The following COL6A1 variants were observed in gnomAD, a reference collection of about 807,000 sequenced individuals.
COL6A1 encodes the protein collagen alpha-1(VI) chain.
A neutral mutation model predicts 145.6 loss-of-function variants in COL6A1; 80 were observed. That is an observed-to-expected ratio of 0.55 (90% CI 0.46 to 0.66). The LOEUF is 0.66. COL6A1 is among the 30% of genes least tolerant of loss of function. The probability of loss-of-function intolerance (pLI) is 0.00; values close to 1 mark genes in which losing one functional copy is unlikely to be tolerated. For missense variants in COL6A1, 1,364 were observed against 1,473.8 expected, an observed-to-expected ratio of 0.93 and a Z score of 1.22; for synonymous variants, 638 against 622.8, an observed-to-expected ratio of 1.02 and a Z score of -0.36.
At chr21:45,987,478 C>G in intron 6 of COL6A1, 21 bp from the exon 7 acceptor site, 5 of 1,613,102 alleles carry the variant, frequency 3.1e-6, no homozygotes, top group Non-Finnish European at 4.2e-6. Context: ...ACTGACTCGT[C>G]TCCATGCTTT....
intron 27 of COL6A1, among the ~76,000 whole-genome samples, chr21:45,999,931 A>G (rs2077830641): frequency 7.2e-6 from 1 of 139,754 alleles, no homozygotes; most frequent in Non-Finnish European, 1.5e-5. Flanking sequence ...ACATGTGAGG[A>G]TCATGGGGGG....
At chr21:45,999,793 G>C in intron 27 of COL6A1, 101 bp downstream of exon 27, 1 of 828,690 alleles carries the variant, frequency 1.2e-6, no homozygotes, top group Non-Finnish European at 1.7e-6. Context: ...CGCTGCTCAC[G>C]GGGGGGTGGG....
chr21:45,985,798 T>A (rs2077736083), intron 3 of COL6A1, among the ~76,000 whole-genome samples: 1 of 152,176 alleles, frequency 6.6e-6, no homozygotes, highest in Non-Finnish European at 1.5e-5. Context: ...ACATTCCCTT[T>A]CCAATGGTTG....
rs1260709010 is a variant in COL6A1, at chr21:46,001,977, C to T, written c.1973C>T (p.Ser658Leu). Residue 658 changes from serine (S) to leucine (L), a missense_variant, in exon 31 of 35, where the codon TCG becomes TTG. By Grantham distance (145) the Ser-to-Leu change is moderately radical. Transcript: ENST00000361866. ...GTCCCACAGTTCGAGCCAGGGCAGT[C>T]GTACGCGGGTGTGGTGCAGTACAGC... Reference protein sequence around the residue: ...DELVKFEPGQSYAGVVQYSHS... With the variant: ...DELVKFEPGQLYAGVVQYSHS... 2 of 1,612,470 alleles carry T rather than the reference C, an allele frequency of 1.2e-6. No individual in the cohort carries two copies. Among genetic ancestry groups the T allele is most frequent in the East Asian group, 4.5e-5 (2 of 44,860 alleles).
At chr21:46,001,103 A>C in intron 29 of COL6A1, 150 bp from the exon 30 acceptor site, 1 of 1,083,278 alleles carries the variant, frequency 9.2e-7, no homozygotes, top group Non-Finnish European at 1.3e-6. Context: ...GGGCCATGGG[A>C]GGGGGTGGGC....
rs1205249425 is a variant in COL6A1, at chr21:45,998,225, C to T, written c.1575+54C>T. 3 of 1,598,814 alleles carry T rather than the reference C, an allele frequency of 1.9e-6. No individual in the cohort carries two copies. The African/African-American group carries it at 4.0e-5, about 21-fold the overall frequency. ...AACATGCCCAAGCTGCCTGCGGCGCCCTCTTTAGTGGACTGGGCACTCTTG... is the reference window on the plus strand; with the variant it reads ...AACATGCCCAAGCTGCCTGCGGCGCTCTCTTTAGTGGACTGGGCACTCTTG... On this transcript the variant is annotated intron_variant, in intron 23 of 34. Coordinates refer to ENST00000361866, the MANE Select transcript of COL6A1 (RefSeq NM_001848.3).
chr21:46,000,481 C>A, intron 28 of COL6A1, 114 bp downstream of exon 28: 1 of 1,321,512 alleles, frequency 7.6e-7, no homozygotes, highest in South Asian at 1.2e-5. Flanking sequence ...TGGGTACATC[C>A]TTGAGGAGGC....
In COL6A1 at chr21:46,001,404, C is replaced by G. The variant is rs1603593974; in HGVS notation, c.1956+18C>G. On this transcript the variant is annotated intron_variant, in intron 30 of 34. Transcript: ENST00000361866. ...TGGTCAAGGTGAGGCCTCGCCCCGC[C>G]CGGCTTTCTCAAGCCCAGGTGCACC... 4 of 1,606,870 alleles carry G rather than the reference C, an allele frequency of 2.5e-6. No homozygotes were observed. Among genetic ancestry groups the G allele is most frequent in the Non-Finnish European group, 8.5e-7 (1 of 1,179,296 alleles).
In COL6A1 at chr21:45,989,848, C is replaced by T. The variant is rs1047124671; in HGVS notation, c.930+70C>T. 72 of 1,592,614 alleles carry T rather than the reference C, an allele frequency of 4.5e-5. 1 individual carries two copies. The Admixed American group carries it at 5.2e-4, about 11-fold the overall frequency. ...GTGCCATCCTGGACGAGGGTGTCCC[C>T]GGGGATGAGGACAGTGTCCCTGACA... On this transcript the variant is annotated intron_variant, in intron 11 of 34. Transcript: ENST00000361866.
At chr21:45,989,483 G>A (rs534393842) in intron 9 of COL6A1, 125 bp from the exon 10 acceptor site, 28 of 1,003,362 alleles carry the variant, frequency 2.8e-5, no homozygotes, top group South Asian at 1.6e-4. Flanking sequence ...CATGGGCCCC[G>A]TGCAGCAGGG....
chr21:45,990,991 C>T lies in COL6A1; in HGVS notation c.1069C>T (p.Pro357Ser), dbSNP rs762443936. 3.7e-6 allele frequency: 6 copies of T among 1,613,388 alleles called. No individual in the cohort carries two copies. In the East Asian group the frequency reaches 6.7e-5, roughly 18 times the overall value. ...CTCTTTTCTCCAGGGCATTCAAGGA[C>T]CCCCTGGCCCCAAGGGAGACCCCGG... The part of the protein sequence containing the change: ...GSPGFDGIQG[P>S]PGPKGDPGAF... The change falls in exon 15 of 35, where the codon CCC becomes TCC. Residue 357 changes from proline (P) to serine (S), a missense_variant. Transcript: ENST00000361866.
rs1325934533 is a variant in COL6A1, at chr21:45,994,046, G to C, written c.1336-121G>C. On this transcript the variant is annotated intron_variant, in intron 19 of 34. Coordinates refer to ENST00000361866, the MANE Select transcript of COL6A1 (RefSeq NM_001848.3). This position sits in a 1 kb window ranked among gnomAD's most constrained non-coding sequence, Gnocchi z 6.8. Reference sequence around the variant, plus strand: ...CGAGGCCAGGAAGGGGCTGTGCGGGGAGGGAAGGCCGGAACAGCCCAGTGA... The same window carrying C: ...CGAGGCCAGGAAGGGGCTGTGCGGGCAGGGAAGGCCGGAACAGCCCAGTGA... 5 of 1,016,880 alleles carry C rather than the reference G, an allele frequency of 4.9e-6. No homozygotes were observed. The highest frequency in any genetic ancestry group is 6.0e-6 in the Non-Finnish European group (4 of 661,590). 63.0% of individuals were successfully genotyped at this position (1,016,880 alleles called of 1,614,324 possible). A position where few individuals can be genotyped will look rare whatever the true frequency, so the allele number is the denominator to read the frequency against.
chr21:45,982,890 GGGGC>G, intron 2 of COL6A1, 127 bp downstream of exon 2: 1 of 1,379,136 alleles, frequency 7.3e-7, no homozygotes, highest in Non-Finnish European at 1.0e-6. Flanking sequence ...TGCCCTGACC[GGGGC>G]CCCTCCCGGC....
In COL6A1 at chr21:46,000,692, A is replaced by AG. The variant is rs145985004; in HGVS notation, c.1814-67_1814-66insG. ...AGGCGGGGAGGCTGCCCCAAGAGTAAAAGCCTTTCTGACGTGCGCAGGACG... is the reference window on the plus strand; with the variant it reads ...AGGCGGGGAGGCTGCCCCAAGAGTAAGAAGCCTTTCTGACGTGCGCAGGACG... On this transcript the variant is annotated intron_variant, in intron 28 of 34. Coordinates refer to ENST00000361866, the MANE Select transcript of COL6A1 (RefSeq NM_001848.3). 2.8e-3 allele frequency: 4,590 copies of AG among 1,610,904 alleles called. 95 individuals are homozygous for AG. The African/African-American group carries it at 0.051, about 18-fold the overall frequency.
In COL6A1 at chr21:45,984,550, G is replaced by C; in HGVS notation, c.428+81G>C. The C allele has an allele frequency of 3.6e-6, 5 of 1,389,908 alleles. No individual in the cohort carries two copies. In the South Asian group the frequency reaches 4.7e-5, roughly 13 times the overall value. 86.1% of individuals were successfully genotyped at this position (1,389,908 alleles called of 1,614,324 possible). On this transcript the variant is annotated intron_variant, in intron 3 of 34. Coordinates refer to ENST00000361866, the MANE Select transcript of COL6A1 (RefSeq NM_001848.3). ...GGGCTGGGGTTGGCCTGGGGTCCCTGTGCGGCTTCAGCTGCAGCCTCCCTG... is the reference window on the plus strand; with the variant it reads ...GGGCTGGGGTTGGCCTGGGGTCCCTCTGCGGCTTCAGCTGCAGCCTCCCTG...
At chr21:45,990,234 C>T (rs1002113216) in intron 11 of COL6A1, 24 bp from the exon 12 acceptor site, 4 of 1,612,578 alleles carry the variant, frequency 2.5e-6, no homozygotes, top group Non-Finnish European at 2.5e-6. Context: ...AATACCCCCT[C>T]ACACCCGCTT....
At position 45,990,252 on chromosome 21, in the gene COL6A1, C is replaced by A. The variant is rs778657187; in HGVS notation, c.931-6C>A. 14 of 1,612,536 alleles carry A rather than the reference C, an allele frequency of 8.7e-6. No homozygotes were observed. The highest frequency in any genetic ancestry group is 1.2e-5 in the Non-Finnish European group (14 of 1,179,894). On this transcript the variant is annotated splice_region_variant and splice_polypyrimidine_tract_variant and intron_variant, in intron 11 of 34. Transcript: ENST00000361866. The stretch of plus-strand genomic sequence containing the variant: ...ACCCCCTCACACCCGCTTCCTGTCT[C>A]CGCAGGGCTCCAGGGGACCCAAGGG...
In COL6A1 at chr21:46,000,317, C is replaced by T. The variant is rs780492579; in HGVS notation, c.1777-14C>T. On this transcript the variant is annotated splice_polypyrimidine_tract_variant and intron_variant, in intron 27 of 34. Coordinates refer to ENST00000361866, the MANE Select transcript of COL6A1 (RefSeq NM_001848.3). The stretch of plus-strand genomic sequence containing the variant: ...CTGTCTATGGCCCCAGTACCCTCGT[C>T]TCTCCCTCCCCAGGAATGCGAGATT... 1 of 1,613,920 alleles carries T rather than the reference C, an allele frequency of 6.2e-7. No homozygotes were observed. Among genetic ancestry groups the T allele is most frequent in the Non-Finnish European group, 8.5e-7 (1 of 1,179,868 alleles).
In COL6A1 at chr21:45,987,626, C is replaced by A; in HGVS notation, c.776C>A (p.Pro259Gln). ...GCCTTGCAGCCTGCAAGAGGACCTC[C>A]GGGGCTCCGGGGCGACCCCGGCTTT... ...SFECQPARGP[P>Q]GLRGDPGFEG... The change falls in exon 8 of 35, where the codon CCG becomes CAG. Residue 259 changes from proline (P) to glutamine (Q), a missense_variant. Pro to Gln is a moderately conservative substitution (Grantham distance 76). Transcript: ENST00000361866. 6.2e-7 allele frequency: 1 copy of A among 1,611,152 alleles called. No individual in the cohort carries two copies. Among genetic ancestry groups the A allele is most frequent in the Non-Finnish European group, 8.5e-7 (1 of 1,179,330 alleles).
Sources: allele counts gnomAD v4.1 joint callset (sites outside exome capture counted in the v4.1 genomes callset), GRCh38; gene constraint gnomAD v4.1.1; non-coding constraint Gnocchi (gnomAD v3.1); transcripts MANE v1.5; gene names NCBI Gene and HGNC (gene_info 2026-07-23, HGNC 2026-07-21).